NBPF15: variants seen among roughly 807,000 people sequenced by gnomAD.
NBPF15 encodes the protein NBPF member 15, also known as NBPF family member NBPF15.
A neutral mutation model predicts 62.2 loss-of-function variants in NBPF15; 74 were observed. That is an observed-to-expected ratio of 1.19 (90% CI 0.99 to 1.44). The LOEUF (loss-of-function observed/expected upper bound fraction) is 1.44. NBPF15 is among the 40% of genes most tolerant of loss of function. The probability of loss-of-function intolerance (pLI) is 0.00; values close to 1 mark genes in which losing one functional copy is unlikely to be tolerated. For synonymous variants in NBPF15, 244 were observed against 209.7 expected, an observed-to-expected ratio of 1.16 and a Z score of -1.41; for missense variants, 790 against 550.0, an observed-to-expected ratio of 1.44 and a Z score of -4.36.
intron 4 of NBPF15, among the ~76,000 whole-genome samples, chr1:144,455,922 C>G (rs1168752157): frequency 6.6e-6 from 1 of 152,044 alleles, no homozygotes; most frequent in African/African-American, 2.4e-5. Flanking sequence ...CCTGGGGAAC[C>G]AAGAATTCCA....
intron 4 of NBPF15, among the ~76,000 whole-genome samples, chr1:144,453,680 C>G (rs1339331244): frequency 7.0e-6 from 1 of 142,516 alleles, no homozygotes; most frequent in Non-Finnish European, 1.5e-5. Flanking sequence ...ATCTGAACAC[C>G]TCATTAATAA....
intron 8 of NBPF15, 94 bp downstream of exon 8, chr1:144,439,735 T>A (rs1681425183): frequency 5.6e-6 from 5 of 897,664 alleles, no homozygotes; most frequent in African/African-American, 1.6e-5. Flanking sequence ...ACAGGAAGGA[T>A]GAAATTATTT....
Position 144,423,966 on chromosome 1 carries a change from T to C in NBPF15, c.1673A>G (p.Lys558Arg), listed in dbSNP as rs1267535721. 7.8e-6 allele frequency: 6 copies of C among 768,532 alleles called. No individual in the cohort carries two copies. The highest frequency in any genetic ancestry group is 1.2e-5 in the Non-Finnish European group (5 of 421,148). 47.6% of individuals were successfully genotyped at this position (768,532 alleles called of 1,614,324 possible). Residue 558 changes from lysine to arginine, a missense_variant, in exon 21 of 22, where the codon AAG becomes AGG. Physicochemically the swap from Lys to Arg is conservative, Grantham distance 26 (BLOSUM62 2). Transcript: ENST00000581897. ...CCTTCTTTTCTTCCCCTTCCCCTTC[T>C]TTTCAATTTCTGCAATAAATTCAGA... ...GFSLDVGEIE[K>R]KGKGKKRRGR...
At chr1:144,424,124 T>G in intron 20 of NBPF15, 149 bp from the exon 21 acceptor site, 1 of 728,094 alleles carries the variant, frequency 1.4e-6, no homozygotes, top group East Asian at 2.5e-5. Context: ...GTCTGAAGGC[T>G]GGTCATGATA....
chr1:144,432,836 G>T (rs1244051295), intron 13 of NBPF15, among the ~76,000 whole-genome samples: 9 of 151,944 alleles, frequency 5.9e-5, no homozygotes, highest in African/African-American at 2.2e-4. Context: ...AAGAGATTTA[G>T]ACTCCACACA....
intron 19 of NBPF15, 103 bp downstream of exon 19, chr1:144,425,414 G>T: frequency 7.2e-6 from 2 of 278,056 alleles, no homozygotes; most frequent in South Asian, 2.3e-5. Flanking sequence ...ATTCAGGCTT[G>T]CTGGAAAAGA....
chr1:144,444,606 T>C (rs1294074656), intron 6 of NBPF15, among the ~76,000 whole-genome samples: 26 of 152,044 alleles, frequency 1.7e-4, no homozygotes, highest in Admixed American at 1.3e-3. Flanking sequence ...GACTTAGTTA[T>C]AGATTAAAAG....
chr1:144,457,709 T>C (rs1454930268), intron 3 of NBPF15, among the ~76,000 whole-genome samples: 7 of 152,126 alleles, frequency 4.6e-5, no homozygotes, highest in African/African-American at 7.2e-5. Flanking sequence ...AAAATAATCA[T>C]AATAACAACA....
chr1:144,451,271 C>G (rs1553545425), intron 4 of NBPF15, among the ~76,000 whole-genome samples: 1 of 151,926 alleles, frequency 6.6e-6, no homozygotes, highest in Non-Finnish European at 1.5e-5. Context: ...CAGCATGTCC[C>G]ACCTCCAGTC....
At chr1:144,451,016 C>G (rs1487932165) in intron 4 of NBPF15, 146 bp from the exon 5 acceptor site, 1 of 152,218 alleles carries the variant, frequency 6.6e-6, no homozygotes, top group African/African-American at 2.4e-5. Context: ...AGGGGACCGG[C>G]GTTCAGCATA....
In NBPF15 at chr1:144,426,666, A is replaced by G. The variant is rs1433575929; in HGVS notation, c.1266-216T>C. On this transcript the variant is annotated intron_variant, in intron 17 of 21. Coordinates refer to ENST00000581897, the MANE Select transcript of NBPF15 (RefSeq NM_001385408.1). ...AGGGAGAGGGAGAGAGAGAGAGAGG[A>G]GAAAGTGAGCTCAGCGAATTGGCCG... Among the ~76,000 whole-genome samples, 4 of 151,500 alleles carry G rather than the reference A, an allele frequency of 2.6e-5. No homozygotes were observed. In the South Asian group the frequency reaches 6.3e-4, roughly 24 times the overall value.
intron 14 of NBPF15, among the ~76,000 whole-genome samples, chr1:144,429,191 TA>T (rs1424781598): frequency 1.3e-5 from 2 of 151,156 alleles, no homozygotes; most frequent in African/African-American, 2.5e-5. Context: ...ACAGATGAGC[TA>T]AAACAAGCGC....
At chr1:144,450,591 C>G (rs1553545243) in intron 5 of NBPF15, among the ~76,000 whole-genome samples, 181 bp downstream of exon 5, 1 of 150,532 alleles carries the variant, frequency 6.6e-6, no homozygotes, top group African/African-American at 2.5e-5. Context: ...TCATTCCAGA[C>G]TTCTGTGGTT....
chr1:144,434,053 AT>A (rs1459233798), intron 12 of NBPF15, among the ~76,000 whole-genome samples: 1 of 145,656 alleles, frequency 6.9e-6, no homozygotes, highest in Non-Finnish European at 1.5e-5. Context: ...ATAATGACAT[AT>A]TCCCTGCCTG....
chr1:144,436,134 G>A (rs1201229822), intron 10 of NBPF15, among the ~76,000 whole-genome samples: 1 of 151,998 alleles, frequency 6.6e-6, no homozygotes, highest in Non-Finnish European at 1.5e-5. Flanking sequence ...CTGGACATTG[G>A]CAGCTGTCTC....
At chr1:144,442,316 A>G (rs9438300) in intron 6 of NBPF15, among the ~76,000 whole-genome samples, 1 of 132,010 alleles carries the variant, frequency 7.6e-6, no homozygotes, top group African/African-American at 2.8e-5. Context: ...ACGTGTATAT[A>G]TTATATATAT....
intron 8 of NBPF15, among the ~76,000 whole-genome samples, chr1:144,438,361 C>A (rs1241930498): frequency 5.3e-5 from 8 of 151,800 alleles, no homozygotes; most frequent in African/African-American, 7.3e-5. Flanking sequence ...CTTTCCCAAG[C>A]CTTGCAGCCT....
At position 144,427,984 on chromosome 1, in the gene NBPF15, G is replaced by C. The variant is rs1553539643; in HGVS notation, c.1047C>G (p.Ser349Arg). Residue 349 changes from serine to arginine, a missense_variant, in exon 16 of 22, where the codon AGC becomes AGG. By Grantham distance (110) the Ser-to-Arg change is moderately radical. Transcript: ENST00000581897. ...EDQEATGPRLSRELLDEKEPE... is the reference protein window; with the variant it reads ...EDQEATGPRLRRELLDEKEPE... Reference sequence around the variant, plus strand: ...GCTCTTTCTCATCCAGCAGCTCCCTGCTGAGCCTGGAAAAGTGGGAAAAAG... The same window carrying C: ...GCTCTTTCTCATCCAGCAGCTCCCTCCTGAGCCTGGAAAAGTGGGAAAAAG... 1 of 757,272 alleles carries C rather than the reference G, an allele frequency of 1.3e-6. No individual in the cohort carries two copies. Among genetic ancestry groups the C allele is most frequent in the Non-Finnish European group, 2.5e-6 (1 of 408,130 alleles). The allele number at this position is 757,272 out of a possible 1,614,324, so 46.9% of individuals were successfully genotyped here.
chr1:144,450,906 T>A (rs1334184132), intron 4 of NBPF15, 36 bp from the exon 5 acceptor site: 1 of 267,876 alleles, frequency 3.7e-6, no homozygotes, highest in Non-Finnish European at 5.7e-6. Context: ...AAGGGATGGG[T>A]TGCCCCTCCA....
Sources: allele counts gnomAD v4.1 joint callset (sites outside exome capture counted in the v4.1 genomes callset), GRCh38; gene constraint gnomAD v4.1.1; transcripts MANE v1.5; gene names NCBI Gene and HGNC (gene_info 2026-07-23, HGNC 2026-07-21).